DTNBP1: variants seen among roughly 807,000 people sequenced by gnomAD.
DTNBP1 encodes the protein dysbindin.
A neutral mutation model predicts 42.8 loss-of-function variants in DTNBP1; 35 were observed. That is an observed-to-expected ratio of 0.82 (90% CI 0.63 to 1.09). The LOEUF (loss-of-function observed/expected upper bound fraction) is 1.09, where lower values mean the gene tolerates loss of function less well. Ranked by LOEUF, DTNBP1 falls within the 50% of genes least tolerant of loss-of-function variation. The probability of loss-of-function intolerance (pLI) is 0.00; values close to 1 mark genes in which losing one functional copy is unlikely to be tolerated. For missense variants in DTNBP1, 457 were observed against 424.2 expected (o/e 1.08, Z -0.68); for synonymous variants, 171 against 162.2 (o/e 1.05, Z -0.41).
chr6:15,651,330 T>TA lies in DTNBP1; in HGVS notation c.143_144insT (p.Leu49IlefsTer5), dbSNP rs1760979742. The stretch of plus-strand genomic sequence containing the variant: ...ACACTTACCTGCTAAGTAATTCTAA[T>TA]CCAGCAGAGTACTTTGGCAAAAATG... On this transcript the variant is annotated frameshift_variant, in exon 3 of 10. Coordinates refer to ENST00000344537, the MANE Select transcript of DTNBP1 (RefSeq NM_032122.5). LOFTEE classifies it high-confidence loss of function. 1 of 1,611,138 alleles carries TA rather than the reference T, an allele frequency of 6.2e-7. No homozygotes were observed. Among genetic ancestry groups the TA allele is most frequent in the Non-Finnish European group, 8.5e-7 (1 of 1,179,620 alleles).
chr6:15,553,560 T>C (rs958076108), intron 7 of DTNBP1, among the ~76,000 whole-genome samples: 11 of 136,044 alleles, frequency 8.1e-5, no homozygotes, highest in African/African-American at 2.4e-4. Context: ...CTATTCTTCA[T>C]GTGCAAAGCA....
intron 7 of DTNBP1, among the ~76,000 whole-genome samples, chr6:15,580,374 G>A (rs867916541): frequency 2.0e-5 from 3 of 152,112 alleles, no homozygotes; most frequent in Non-Finnish European, 4.4e-5. Flanking sequence ...AAAAGCTAAC[G>A]ATGAATACAC....
At chr6:15,579,472 G>T (rs1328345143) in intron 7 of DTNBP1, among the ~76,000 whole-genome samples, 1 of 152,198 alleles carries the variant, frequency 6.6e-6, no homozygotes, top group Non-Finnish European at 1.5e-5. Context: ...GCACTGTAGG[G>T]TGACTATAAC....
At chr6:15,631,436 T>C (rs541131626) in intron 4 of DTNBP1, among the ~76,000 whole-genome samples, 3 of 152,166 alleles carry the variant, frequency 2.0e-5, no homozygotes, top group Non-Finnish European at 4.4e-5. Flanking sequence ...AGAATGATTG[T>C]TGTTAAAGCT....
intron 3 of DTNBP1, among the ~76,000 whole-genome samples, chr6:15,639,589 T>C (rs927554755): frequency 1.3e-5 from 2 of 152,252 alleles, no homozygotes; most frequent in African/African-American, 2.4e-5. Context: ...CCTGCTGTCA[T>C]TGTTGACTAA....
At chr6:15,555,478 A>AG (rs1208150493) in intron 7 of DTNBP1, among the ~76,000 whole-genome samples, 1 of 152,186 alleles carries the variant, frequency 6.6e-6, no homozygotes, top group African/African-American at 2.4e-5. Context: ...CTGATAAAAC[A>AG]GGATGTAGTA....
intron 7 of DTNBP1, among the ~76,000 whole-genome samples, chr6:15,577,274 C>T (rs371847808): frequency 1.3e-4 from 20 of 152,302 alleles, no homozygotes; most frequent in African/African-American, 4.6e-4. Flanking sequence ...AGCCAGGACT[C>T]GGGAGGTATT....
intron 7 of DTNBP1, among the ~76,000 whole-genome samples, chr6:15,570,266 A>AT (rs1169086165): frequency 1.3e-5 from 2 of 152,074 alleles, no homozygotes; most frequent in East Asian, 3.9e-4. Flanking sequence ...TCCAAAATGC[A>AT]TAGGTATATA....
intron 7 of DTNBP1, among the ~76,000 whole-genome samples, chr6:15,541,697 T>C (rs1773570319): frequency 6.6e-6 from 1 of 152,152 alleles, no homozygotes; most frequent in Non-Finnish European, 1.5e-5. Flanking sequence ...CAATTTCAAA[T>C]GCTTACTTAC....
At chr6:15,643,441 G>C (rs911566463) in intron 3 of DTNBP1, among the ~76,000 whole-genome samples, 5 of 152,070 alleles carry the variant, frequency 3.3e-5, no homozygotes, top group African/African-American at 9.7e-5. Context: ...AAGAAATTCA[G>C]AGACTCCTGA....
intron 6 of DTNBP1, among the ~76,000 whole-genome samples, chr6:15,596,469 C>A (rs1202646985): frequency 6.6e-6 from 1 of 152,186 alleles, no homozygotes. Flanking sequence ...AATCCAGAGA[C>A]CACTTCTCTG....
At chr6:15,637,875 G>A in intron 3 of DTNBP1, 71 bp from the exon 4 acceptor site, 2 of 1,463,336 alleles carry the variant, frequency 1.4e-6, no homozygotes, top group East Asian at 2.3e-5. Flanking sequence ...AAAGATGAAT[G>A]TGGAATATCC....
chr6:15,631,867 T>C (rs1258026471), intron 4 of DTNBP1, among the ~76,000 whole-genome samples: 1 of 152,218 alleles, frequency 6.6e-6, no homozygotes, highest in East Asian at 1.9e-4. Flanking sequence ...ATTGTTCTAA[T>C]TTATACTCCC....
chr6:15,613,278 G>A (rs1758518529), intron 6 of DTNBP1, among the ~76,000 whole-genome samples: 1 of 140,692 alleles, frequency 7.1e-6, no homozygotes. Context: ...ACTCCAGCCT[G>A]AGCAACAACA....
At chr6:15,568,746 A>G (rs187580424) in intron 7 of DTNBP1, among the ~76,000 whole-genome samples, 2 of 152,160 alleles carry the variant, frequency 1.3e-5, no homozygotes, top group East Asian at 3.9e-4. Flanking sequence ...TGTCCTTATA[A>G]TTTTCTTAGT....
intron 7 of DTNBP1, chr6:15,585,972 C>A (rs982780208): frequency 7.7e-7 from 1 of 1,301,460 alleles, no homozygotes; most frequent in South Asian, 2.7e-5. Flanking sequence ...TCTACTGCCT[C>A]TATAAAAGCA....
intron 5 of DTNBP1, among the ~76,000 whole-genome samples, chr6:15,623,107 C>T (rs1759137524): frequency 6.6e-6 from 1 of 152,092 alleles, no homozygotes; most frequent in African/African-American, 2.4e-5. Flanking sequence ...TTGCAAAAGC[C>T]ATTATGGAAC....
At chr6:15,523,251 G>A in intron 9 of DTNBP1, 32 bp from the exon 10 acceptor site, 1 of 1,612,986 alleles carries the variant, frequency 6.2e-7, no homozygotes, top group South Asian at 1.1e-5. Context: ...AAAAAGCCCT[G>A]TCATAAAAAT....
intron 1 of DTNBP1, among the ~76,000 whole-genome samples, chr6:15,659,087 T>C (rs1234593131): frequency 6.6e-6 from 1 of 152,198 alleles, no homozygotes; most frequent in Non-Finnish European, 1.5e-5. Flanking sequence ...TAAAGAACAA[T>C]GGTCTTAAGC....
Sources: allele counts gnomAD v4.1 joint callset (sites outside exome capture counted in the v4.1 genomes callset), GRCh38; gene constraint gnomAD v4.1.1; transcripts MANE v1.5; gene names NCBI Gene and HGNC (gene_info 2026-07-23, HGNC 2026-07-21).